The following PRR29 variants were observed in gnomAD, a reference collection of about 807,000 sequenced individuals.
The protein encoded by PRR29 is proline rich 29.
PRR29 carries 20 observed loss-of-function variants against 25.1 expected under a neutral mutation model. The ratio of observed to expected loss-of-function variants is 0.80; its 90% CI spans 0.56 to 1.16. The LOEUF (loss-of-function observed/expected upper bound fraction) is 1.16, where lower values mean the gene tolerates loss of function less well. PRR29 is among the 50% of genes most tolerant of loss of function. PRR29 has a pLI of 0.00. For missense variants in PRR29, 238 were observed against 246.6 expected (o/e 0.97, Z 0.23); for synonymous variants, 108 against 102.6 (o/e 1.05, Z -0.32).
chr17:64,001,403 G>C (rs1910730943), intron 4 of PRR29, 64 bp from the exon 5 acceptor site: 1 of 1,484,178 alleles, frequency 6.7e-7, no homozygotes, highest in Admixed American at 2.0e-5. Flanking sequence ...GATAACTTGT[G>C]GGTGAAACTC....
chr17:64,001,848 C>G lies in PRR29; in HGVS notation c.*87C>G. On this transcript the variant is annotated 3_prime_UTR_variant, in exon 6 of 6. Coordinates refer to ENST00000412177, the MANE Select transcript of PRR29 (RefSeq NM_001164257.2). ...CCTCCTGCACCTCTCTTGTCGACTC[C>G]CCGGTGCCCATGGCTGGCAGTCCTT... 1.3e-6 allele frequency: 2 copies of G among 1,536,994 alleles called. No individual in the cohort carries two copies.
chr17:64,002,123 C>A lies in PRR29; in HGVS notation c.*362C>A. The stretch of plus-strand genomic sequence containing the variant: ...CTCTCTGGGATGATGAGGTCTCCTT[C>A]CAGCCTAGTAATGGAGCAAGAGGGG... On this transcript the variant is annotated 3_prime_UTR_variant, in exon 6 of 6. Coordinates refer to ENST00000412177, the MANE Select transcript of PRR29 (RefSeq NM_001164257.2). The A allele has an allele frequency of 1.1e-6, 1 of 950,408 alleles. No homozygotes were observed. The highest frequency in any genetic ancestry group is 2.7e-5 in the Admixed American group (1 of 37,040). 58.9% of individuals were successfully genotyped at this position (950,408 alleles called of 1,614,324 possible).
chr17:63,998,796 G>GGGGCCCCC lies in PRR29; in HGVS notation c.136+14_136+15insGGGCCCCC. 1.5e-6 allele frequency: 2 copies of GGGGCCCCC among 1,345,570 alleles called. No homozygotes were observed. The highest frequency in any genetic ancestry group is 2.0e-6 in the Non-Finnish European group (2 of 975,946). The allele number at this position is 1,345,570 out of a possible 1,614,324, so 83.4% of individuals were successfully genotyped here. ...GCGTGAAGGAAGGTGAGACTCCCGG[G>GGGGCCCCC]TCCCCCCACCCCACCCCCACCATCA... On this transcript the variant is annotated intron_variant, in intron 2 of 5. Coordinates refer to ENST00000412177, the MANE Select transcript of PRR29 (RefSeq NM_001164257.2).
rs1295345679 is a variant in PRR29 at position 64,003,385 on chromosome 17, G to A, written c.*1624G>A. Reference sequence around the variant, plus strand: ...ACTTCTCATTGTGGAGGGGAGCCAAGGCCAGGGAGAGCCGTCAAGGTCATG... The same window carrying A: ...ACTTCTCATTGTGGAGGGGAGCCAAAGCCAGGGAGAGCCGTCAAGGTCATG... On this transcript the variant is annotated 3_prime_UTR_variant, in exon 6 of 6. Coordinates refer to ENST00000412177, the MANE Select transcript of PRR29 (RefSeq NM_001164257.2). The A allele has an allele frequency of 3.8e-6, 2 of 527,112 alleles. No individual in the cohort carries two copies. The highest frequency in any genetic ancestry group is 6.8e-6 in the Non-Finnish European group (2 of 294,154). The allele number at this position is 527,112 out of a possible 1,614,324, so 32.7% of individuals were successfully genotyped here. A position where few individuals can be genotyped will look rare whatever the true frequency, so the allele number is the denominator to read the frequency against.
At chr17:64,000,401 C>CA (rs1410286166) in intron 3 of PRR29, among the ~76,000 whole-genome samples, 4 of 152,146 alleles carry the variant, frequency 2.6e-5, no homozygotes, top group Non-Finnish European at 5.9e-5. Flanking sequence ...GCAATCTCGG[C>CA]ACACTGCAAC....
At position 63,998,428 on chromosome 17, in the gene PRR29, A is replaced by G; in HGVS notation, c.60+4A>G. ...ACCGCAGAGCGCAGTCCCGACGGTG[A>G]GGGCTGAGCCCGGGAGCAGATCCTG... On this transcript the variant is annotated splice_donor_region_variant and intron_variant, in intron 1 of 5. Coordinates refer to ENST00000412177, the MANE Select transcript of PRR29 (RefSeq NM_001164257.2). The G allele has an allele frequency of 6.7e-7, 1 of 1,481,948 alleles. No homozygotes were observed. Among genetic ancestry groups the G allele is most frequent in the African/African-American group, 1.4e-5 (1 of 71,192 alleles). 91.8% of individuals were successfully genotyped at this position (1,481,948 alleles called of 1,614,324 possible). A position where few individuals can be genotyped will look rare whatever the true frequency, so the allele number is the denominator to read the frequency against.
chr17:63,998,629 G>GC (rs1910292671), intron 1 of PRR29, 78 bp from the exon 2 acceptor site: 9 of 1,008,366 alleles, frequency 8.9e-6, no homozygotes, highest in Non-Finnish European at 1.3e-5. Context: ...GAGGCCACTG[G>GC]CCGGGGGGGT....
chr17:64,001,520 A>ATG lies in PRR29; in HGVS notation c.526_527dup (p.Pro177TyrfsTer86). 6.6e-7 allele frequency: 1 copy of ATG among 1,516,088 alleles called. No individual in the cohort carries two copies. Among genetic ancestry groups the ATG allele is most frequent in the Non-Finnish European group, 8.8e-7 (1 of 1,137,480 alleles). The allele number at this position is 1,516,088 out of a possible 1,614,324, so 93.9% of individuals were successfully genotyped here. ...AGTGCCACAGGGACTGTGGGTGCTG[A>ATG]TGTACCCCCGGCTTCAGGTAGGGCT... On this transcript the variant is annotated frameshift_variant, in exon 5 of 6. Coordinates refer to ENST00000412177, the MANE Select transcript of PRR29 (RefSeq NM_001164257.2). LOFTEE classifies it high-confidence loss of function.
In PRR29 at chr17:64,003,169, G is replaced by A. The variant is rs922260754; in HGVS notation, c.*1408G>A. On this transcript the variant is annotated 3_prime_UTR_variant, in exon 6 of 6. Coordinates refer to ENST00000412177, the MANE Select transcript of PRR29 (RefSeq NM_001164257.2). ...CTTCTGTGTGGCTGTGAGGGCAGAT[G>A]TCCCCTTGTCAGCAGCCATGGGACC... 9.5e-6 allele frequency: 5 copies of A among 524,306 alleles called. No individual in the cohort carries two copies. The highest frequency in any genetic ancestry group is 3.8e-5 in the African/African-American group (2 of 52,542). 32.5% of individuals were successfully genotyped at this position (524,306 alleles called of 1,614,324 possible).
intron 5 of PRR29, 39 bp downstream of exon 5, chr17:64,001,576 G>A (rs1011362795): frequency 1.3e-5 from 19 of 1,492,962 alleles, no homozygotes; most frequent in Non-Finnish European, 1.7e-5. Context: ...CCAGGCCTGG[G>A]AGTGAATCAG....
rs1416440052 is a variant in PRR29 at position 64,002,765 on chromosome 17, G to C, written c.*1004G>C. 3.1e-6 allele frequency: 5 copies of C among 1,612,128 alleles called. No individual in the cohort carries two copies. Among genetic ancestry groups the C allele is most frequent in the Admixed American group, 1.7e-5 (1 of 59,992 alleles). ...ATGGTTGCTATGGCCGGAAGGCCTG[G>C]GGCAGCCTCCTCCAAGCCGCTCGCA... On this transcript the variant is annotated 3_prime_UTR_variant, in exon 6 of 6. Coordinates refer to ENST00000412177, the MANE Select transcript of PRR29 (RefSeq NM_001164257.2).
intron 2 of PRR29, 36 bp downstream of exon 2, chr17:63,998,818 A>G (rs754591601): frequency 2.5e-4 from 89 of 350,674 alleles, no homozygotes; most frequent in Non-Finnish European, 8.8e-5. Flanking sequence ...CACCCCCACC[A>G]TCACCACCAC....
chr17:64,002,015 C>G lies in PRR29; in HGVS notation c.*254C>G, dbSNP rs1291363689. 6.6e-7 allele frequency: 1 copy of G among 1,525,420 alleles called. No individual in the cohort carries two copies. Among genetic ancestry groups the G allele is most frequent in the South Asian group, 1.2e-5 (1 of 83,462 alleles). The allele number at this position is 1,525,420 out of a possible 1,614,324, so 94.5% of individuals were successfully genotyped here. ...ACCACCCAGGCCCTTGAAGCCACGT[C>G]AGCCCGCCTCTGCCCCACTGCTTCC... On this transcript the variant is annotated 3_prime_UTR_variant, in exon 6 of 6. Coordinates refer to ENST00000412177, the MANE Select transcript of PRR29 (RefSeq NM_001164257.2).
rs910052139 is a variant in PRR29, at chr17:63,998,401, C to T, written c.37C>T (p.Pro13Ser). 1 of 1,514,448 alleles carries T rather than the reference C, an allele frequency of 6.6e-7. No individual in the cohort carries two copies. The allele number at this position is 1,514,448 out of a possible 1,614,324, so 93.8% of individuals were successfully genotyped here. ...SGAGGSWGRS[P>S]PQSAVPTPWV... ...GGCGGGCGGAAGCTGGGGTCGCTCC[C>T]CACCGCAGAGCGCAGTCCCGACGGT... Residue 13 changes from proline (P) to serine (S), a missense_variant, in exon 1 of 6, where the codon CCA becomes TCA. Transcript: ENST00000412177.
chr17:63,998,753 C>T lies in PRR29; in HGVS notation c.107C>T (p.Ala36Val), dbSNP rs1438890057. The stretch of plus-strand genomic sequence containing the variant: ...CCCCTCTCGTGGGCCGTCCCACCTG[C>T]GCCCCCGCAGCCAGGCCGCGTGAAG... ...LQPLSWAVPP[A>V]PPQPGRVKED... is the part of the protein sequence containing the mutation. The change falls in exon 2 of 6, where the codon GCG (alanine) becomes GTG (valine). Residue 36 changes from alanine (A) to valine (V), a missense_variant. Transcript: ENST00000412177. The T allele has an allele frequency of 6.5e-7, 1 of 1,529,220 alleles. No homozygotes were observed. The highest frequency in any genetic ancestry group is 1.2e-5 in the South Asian group (1 of 83,468). 94.7% of individuals were successfully genotyped at this position (1,529,220 alleles called of 1,614,324 possible).
chr17:63,999,202 C>T, intron 3 of PRR29, 128 bp downstream of exon 3: 1 of 732,700 alleles, frequency 1.4e-6, no homozygotes, highest in Non-Finnish European at 2.3e-6. Flanking sequence ...GTCTCTCTGG[C>T]TGGGGCTGTT....
chr17:64,000,757 A>G (rs1296321721), intron 3 of PRR29: 6 of 302,958 alleles, frequency 2.0e-5, no homozygotes, highest in Admixed American at 4.3e-5. Flanking sequence ...GGTTCACGCC[A>G]TTCTCCTGCC....
chr17:64,003,973 G>C lies in PRR29; in HGVS notation c.*2212G>C. The stretch of plus-strand genomic sequence containing the variant: ...GACCTGCCTTGGAGGCTCTGCAGGG[G>C]ACAAAGGAGGGAGGTCTGGTCAGGA... On this transcript the variant is annotated 3_prime_UTR_variant, in exon 6 of 6. Transcript: ENST00000412177. The C allele has an allele frequency of 6.3e-7, 1 of 1,598,854 alleles. No individual in the cohort carries two copies. Among genetic ancestry groups the C allele is most frequent in the Non-Finnish European group, 8.5e-7 (1 of 1,172,458 alleles).
Position 64,001,717 on chromosome 17 carries a change from G to C in PRR29, c.542-16G>C. The C allele has an allele frequency of 6.5e-7, 1 of 1,536,732 alleles. No individual in the cohort carries two copies. Among genetic ancestry groups the C allele is most frequent in the Admixed American group, 2.0e-5 (1 of 50,956 alleles). On this transcript the variant is annotated splice_polypyrimidine_tract_variant and intron_variant, in intron 5 of 5. Coordinates refer to ENST00000412177, the MANE Select transcript of PRR29 (RefSeq NM_001164257.2). The stretch of plus-strand genomic sequence containing the variant: ...TGAGACAGGAGGGAGTCAAGATGAG[G>C]TTCTTGTTTCCCCAGACTACTATGA...
Sources: gnomAD v4.1 joint callset for allele counts (sites outside exome capture counted in the v4.1 genomes callset) on GRCh38, gnomAD v4.1.1 for gene constraint, MANE v1.5 for transcripts, NCBI Gene and HGNC (gene_info 2026-07-23, HGNC 2026-07-21) for gene names.